The following RNF180 variants were observed in gnomAD, a reference collection of about 807,000 sequenced individuals.
The protein encoded by RNF180 is E3 ubiquitin-protein ligase RNF180.
RNF180 carries 38 observed loss-of-function variants against 59.2 expected under a neutral mutation model. That is an observed-to-expected ratio of 0.64 (90% CI 0.50 to 0.84). The LOEUF is 0.84. Ranked by LOEUF, RNF180 falls within the 40% of genes least tolerant of loss-of-function variation. The pLI is 0.00. For missense variants in RNF180, 705 were observed against 700.9 expected (o/e 1.01, Z -0.07); for synonymous variants, 262 against 240.3 (o/e 1.09, Z -0.84).
At chr5:64,336,417 T>G (rs1252359017) in intron 7 of RNF180, among the ~76,000 whole-genome samples, 2 of 152,178 alleles carry the variant, frequency 1.3e-5, no homozygotes, top group Non-Finnish European at 2.9e-5. Flanking sequence ...TACTTCCAAC[T>G]CTCTGCCACA....
intron 7 of RNF180, among the ~76,000 whole-genome samples, chr5:64,356,195 G>A (rs1449913360): frequency 1.3e-5 from 2 of 151,698 alleles, no homozygotes; most frequent in Non-Finnish European, 2.9e-5. Flanking sequence ...CCAGGAGGTT[G>A]AGGCTGAAGT....
At chr5:64,310,647 G>T (rs1309099369) in intron 5 of RNF180, among the ~76,000 whole-genome samples, 1 of 151,746 alleles carries the variant, frequency 6.6e-6, no homozygotes, top group Non-Finnish European at 1.5e-5. Flanking sequence ...TCACTCAAGT[G>T]AAGTCCTAAT....
At chr5:64,171,579 T>C (rs1749938103) in intron 1 of RNF180, among the ~76,000 whole-genome samples, 1 of 152,230 alleles carries the variant, frequency 6.6e-6, no homozygotes, top group Non-Finnish European at 1.5e-5. Context: ...TCTTGGATTA[T>C]GAGTTTGCCA....
At chr5:64,315,734 C>CCA (rs1744008781) in intron 5 of RNF180, among the ~76,000 whole-genome samples, 1 of 53,058 alleles carries the variant, frequency 1.9e-5, no homozygotes, top group African/African-American at 5.5e-5. Context: ...GTAACTGTCT[C>CCA]AAAAAAAAAA....
At chr5:64,258,622 A>G (rs571958759) in intron 5 of RNF180, among the ~76,000 whole-genome samples, 1 of 152,188 alleles carries the variant, frequency 6.6e-6, no homozygotes, top group Admixed American at 6.5e-5. Flanking sequence ...AATGCTAGAC[A>G]TATTGAGATT....
intron 5 of RNF180, among the ~76,000 whole-genome samples, chr5:64,249,061 A>G (rs1220001285): frequency 2.6e-5 from 4 of 152,216 alleles, no homozygotes; most frequent in Admixed American, 1.3e-4. Context: ...CAATGAGAAC[A>G]CATAGACACA....
At position 64,214,178 on chromosome 5, in the gene RNF180, C is replaced by T. The variant is rs763960344; in HGVS notation, c.852C>T (p.Ser284=). The T allele has an allele frequency of 1.2e-6, 2 of 1,614,060 alleles. No homozygotes were observed. Among genetic ancestry groups the T allele is most frequent in the Non-Finnish European group, 1.7e-6 (2 of 1,179,988 alleles). The stretch of plus-strand genomic sequence containing the variant: ...ATAGCTATTCCTTTCAGAATCCATC[C>T]AGTTTTGATCCTAGTATGCTGCTGC... ...SKNSYSFQNP[S]SFDPSMLLQR... is the part of the protein sequence containing the mutation. Residue 284 remains serine (S), a synonymous_variant, in exon 4 of 8, where the codon TCC becomes TCT. Coordinates refer to ENST00000389100, the MANE Select transcript of RNF180 (RefSeq NM_001113561.2).
Position 64,372,664 on chromosome 5 carries a change from A to G in RNF180, c.*2850A>G, listed in dbSNP as rs1256749267. 6.6e-6 allele frequency: 1 copy of G among 151,960 alleles called. No individual in the cohort carries two copies. The highest frequency in any genetic ancestry group is 1.9e-4 in the East Asian group (1 of 5,166). The allele number at this position is 151,960 out of a possible 1,614,324, so 9.4% of individuals were successfully genotyped here. On this transcript the variant is annotated 3_prime_UTR_variant, in exon 8 of 8. Coordinates refer to ENST00000389100, the MANE Select transcript of RNF180 (RefSeq NM_001113561.2). ...GAGCATTCTCTGATTAAATGCAATTACAGTTGGAGTCTTTGATTCTTCACA... is the reference window on the plus strand; with the variant it reads ...GAGCATTCTCTGATTAAATGCAATTGCAGTTGGAGTCTTTGATTCTTCACA...
chr5:64,284,782 A>T (rs980799366), intron 5 of RNF180, among the ~76,000 whole-genome samples: 4 of 152,142 alleles, frequency 2.6e-5, no homozygotes, highest in African/African-American at 9.7e-5. Context: ...AATCTTTATG[A>T]TCATCATTCC....
At chr5:64,293,142 A>C (rs146432547) in intron 5 of RNF180, among the ~76,000 whole-genome samples, 13 of 152,248 alleles carry the variant, frequency 8.5e-5, no homozygotes, top group Non-Finnish European at 1.8e-4. Flanking sequence ...GTGGGTTGCA[A>C]AGATCCATGG....
intron 1 of RNF180, among the ~76,000 whole-genome samples, chr5:64,191,783 A>G (rs1751174272): frequency 1.3e-5 from 2 of 152,150 alleles, no homozygotes; most frequent in South Asian, 4.1e-4. Flanking sequence ...TGCTGTGCAG[A>G]ACTTTTTGGT....
At chr5:64,173,881 A>G (rs551555368) in intron 1 of RNF180, among the ~76,000 whole-genome samples, 27 of 151,922 alleles carry the variant, frequency 1.8e-4, no homozygotes, top group African/African-American at 6.5e-4. Context: ...ACACCCAGCT[A>G]ATGTTTGTAT....
intron 1 of RNF180, among the ~76,000 whole-genome samples, chr5:64,173,592 C>T (rs750730141): frequency 7.9e-5 from 12 of 152,236 alleles, no homozygotes; most frequent in Non-Finnish European, 1.5e-4. Context: ...ACTGCAAGTT[C>T]GTACCTATTG....
chr5:64,274,660 C>T (rs1368535691), intron 5 of RNF180, among the ~76,000 whole-genome samples: 2 of 152,008 alleles, frequency 1.3e-5, no homozygotes, highest in Admixed American at 6.6e-5. Context: ...AATTCAGCCT[C>T]ACAGCCACAA....
chr5:64,293,565 G>A (rs2112431890), intron 5 of RNF180, among the ~76,000 whole-genome samples: 1 of 151,790 alleles, frequency 6.6e-6, no homozygotes, highest in East Asian at 1.9e-4. Context: ...TATTCTGAGA[G>A]GAAAATTCTT....
chr5:64,218,360 C>T (rs1416359277), intron 5 of RNF180, among the ~76,000 whole-genome samples: 2 of 152,114 alleles, frequency 1.3e-5, no homozygotes, highest in Non-Finnish European at 2.9e-5. Context: ...TGTTTCAGCA[C>T]CAGTTGTTGA....
intron 5 of RNF180, among the ~76,000 whole-genome samples, chr5:64,262,207 A>AAT (rs1554037573): frequency 6.6e-6 from 1 of 152,146 alleles, no homozygotes; most frequent in Non-Finnish European, 1.5e-5. Flanking sequence ...AGGGGTAAAT[A>AAT]ATATATATAT....
intron 1 of RNF180, among the ~76,000 whole-genome samples, chr5:64,195,931 C>T (rs935427184): frequency 6.6e-6 from 1 of 152,060 alleles, no homozygotes; most frequent in Non-Finnish European, 1.5e-5. Flanking sequence ...ATCTTTGGGA[C>T]GTGGGAGGAA....
At chr5:64,335,436 TTGAAAC>T (rs1462783147) in intron 7 of RNF180, among the ~76,000 whole-genome samples, 4 of 152,118 alleles carry the variant, frequency 2.6e-5, no homozygotes, top group African/African-American at 9.7e-5. Context: ...TGAAAGATCT[TTGAAAC>T]TGATTTGTGT....
Sources: gnomAD v4.1 joint callset for allele counts (sites outside exome capture counted in the v4.1 genomes callset) on GRCh38, gnomAD v4.1.1 for gene constraint, MANE v1.5 for transcripts, NCBI Gene and HGNC (gene_info 2026-07-23, HGNC 2026-07-21) for gene names.